Variants in XRCC4 observed in about 807,000 individuals in gnomAD.
The protein encoded by XRCC4 is DNA repair protein XRCC4.
A neutral mutation model predicts 39.1 loss-of-function variants in XRCC4; 28 were observed. The observed-to-expected ratio is 0.72, with a 90% CI of 0.53 to 0.98. XRCC4 has a LOEUF of 0.98. Ranked by LOEUF, XRCC4 falls within the 50% of genes least tolerant of loss-of-function variation. XRCC4 has a pLI of 0.00. For missense variants in XRCC4, 350 were observed against 376.4 expected (o/e 0.93, Z 0.58); for synonymous variants, 123 against 126.4 (o/e 0.97, Z 0.18).
At chr5:83,131,989 A>G (rs1403685488) in intron 3 of XRCC4, among the ~76,000 whole-genome samples, 1 of 152,052 alleles carries the variant, frequency 6.6e-6, no homozygotes, top group Admixed American at 6.6e-5. Context: ...TGGTCTTTAC[A>G]ATTTGGCATG....
At chr5:83,202,613 GTA>G (rs1360092208) in intron 4 of XRCC4, among the ~76,000 whole-genome samples, 1 of 151,904 alleles carries the variant, frequency 6.6e-6, no homozygotes, top group African/African-American at 2.4e-5. Context: ...ATTACTACTG[GTA>G]TATATGTGTG....
At chr5:83,141,608 TTTG>T (rs1748177917) in intron 3 of XRCC4, among the ~76,000 whole-genome samples, 1 of 151,030 alleles carries the variant, frequency 6.6e-6, no homozygotes, top group Non-Finnish European at 1.5e-5. Context: ...TGTGTCTTTT[TTTG>T]TGTATTGTTT....
chr5:83,316,696 C>A (rs1380624627), intron 7 of XRCC4, among the ~76,000 whole-genome samples: 1 of 121,232 alleles, frequency 8.2e-6, no homozygotes, highest in African/African-American at 3.2e-5. Flanking sequence ...CACCCAGATT[C>A]ATAAAGCAAG....
At chr5:83,187,433 TTTAC>T (rs1750503208) in intron 3 of XRCC4, among the ~76,000 whole-genome samples, 1 of 152,210 alleles carries the variant, frequency 6.6e-6, no homozygotes, top group Non-Finnish European at 1.5e-5. Flanking sequence ...AAAGTCCCAC[TTTAC>T]TGTGGAAGGT....
rs531204696 is a variant in XRCC4, at chr5:83,345,376, C to T, written c.894-7755C>T. Among the ~76,000 whole-genome samples the T allele has an allele frequency of 4.9e-4, 75 of 152,126 alleles. 1 individual carries two copies. The highest frequency in any genetic ancestry group is 9.4e-4 in the Non-Finnish European group (64 of 67,994). ...CTTAAGTGTTTAATTCACCTGGAAT[C>T]ATGCTTGTTTGACTTCTGACACACA... On this transcript the variant is annotated intron_variant, in intron 7 of 7. Coordinates refer to ENST00000396027, the MANE Select transcript of XRCC4 (RefSeq NM_003401.5).
At chr5:83,294,854 T>C (rs1292383437) in intron 7 of XRCC4, among the ~76,000 whole-genome samples, 1 of 152,026 alleles carries the variant, frequency 6.6e-6, no homozygotes, top group Non-Finnish European at 1.5e-5. Context: ...GTGCTCACTT[T>C]TTAAAGTGTG....
At chr5:83,100,612 CA>C (rs1437506977) in intron 1 of XRCC4, among the ~76,000 whole-genome samples, 1 of 151,832 alleles carries the variant, frequency 6.6e-6, no homozygotes, top group Non-Finnish European at 1.5e-5. Flanking sequence ...AAGTTTAAGA[CA>C]AAATAATCTG....
chr5:83,184,337 A>C (rs1432908488), intron 3 of XRCC4, among the ~76,000 whole-genome samples: 1 of 151,808 alleles, frequency 6.6e-6, no homozygotes, highest in Non-Finnish European at 1.5e-5. Context: ...TTTTTTTTCA[A>C]ATTTTTATTG....
intron 7 of XRCC4, among the ~76,000 whole-genome samples, chr5:83,260,001 G>T (rs535260694): frequency 3.3e-5 from 5 of 151,984 alleles, no homozygotes; most frequent in Non-Finnish European, 7.4e-5. Context: ...CTATCATTGT[G>T]TTTTTGTTCT....
intron 6 of XRCC4, among the ~76,000 whole-genome samples, chr5:83,247,135 A>G (rs1017572846): frequency 3.3e-5 from 5 of 152,216 alleles, no homozygotes; most frequent in Admixed American, 2.0e-4. Flanking sequence ...TTTTAATCAA[A>G]CCTGATAGAA....
chr5:83,211,559 A>T (rs1751646109), intron 6 of XRCC4, among the ~76,000 whole-genome samples: 1 of 152,190 alleles, frequency 6.6e-6, no homozygotes, highest in African/African-American at 2.4e-5. Context: ...GATAATACAT[A>T]TCTTCATAGG....
chr5:83,254,012 T>C (rs959694069), intron 6 of XRCC4, among the ~76,000 whole-genome samples: 2 of 152,002 alleles, frequency 1.3e-5, no homozygotes, highest in African/African-American at 4.8e-5. Context: ...TAACAAGAAC[T>C]TGAAATTCAT....
intron 7 of XRCC4, among the ~76,000 whole-genome samples, chr5:83,323,639 C>T (rs1210010147): frequency 2.6e-5 from 4 of 151,226 alleles, no homozygotes; most frequent in African/African-American, 9.7e-5. Context: ...TGGCCAAGTG[C>T]AAAATAAATA....
intron 3 of XRCC4, among the ~76,000 whole-genome samples, chr5:83,174,188 G>A (rs1365004981): frequency 6.6e-6 from 1 of 152,138 alleles, no homozygotes; most frequent in African/African-American, 2.4e-5. Context: ...TGCATATTCT[G>A]TAGTTTTGTG....
intron 7 of XRCC4, among the ~76,000 whole-genome samples, chr5:83,278,313 A>G (rs962986315): frequency 6.6e-6 from 1 of 152,256 alleles, no homozygotes; most frequent in African/African-American, 2.4e-5. Context: ...AATTTTGGTC[A>G]TAGAATTTTT....
chr5:83,222,962 G>C (rs1752145191), intron 6 of XRCC4, among the ~76,000 whole-genome samples: 1 of 152,074 alleles, frequency 6.6e-6, no homozygotes, highest in African/African-American at 2.4e-5. Flanking sequence ...TGCTTAGGCT[G>C]GTCTTGAGTT....
At chr5:83,315,521 C>T (rs1755849271) in intron 7 of XRCC4, among the ~76,000 whole-genome samples, 1 of 152,146 alleles carries the variant, frequency 6.6e-6, no homozygotes. Context: ...CAATTCTTGG[C>T]TTCAAAGAAC....
chr5:83,134,386 C>T (rs1747775043), intron 3 of XRCC4, among the ~76,000 whole-genome samples: 1 of 152,130 alleles, frequency 6.6e-6, no homozygotes, highest in African/African-American at 2.4e-5. Context: ...ATTCAGCACT[C>T]TGTGTCTAGC....
At chr5:83,129,087 T>C (rs970534808) in intron 3 of XRCC4, among the ~76,000 whole-genome samples, 11 of 152,020 alleles carry the variant, frequency 7.2e-5, no homozygotes, top group Non-Finnish European at 1.5e-4. Flanking sequence ...TAGGTTTTCT[T>C]CTAGGGTTTT....
Sources: allele counts gnomAD v4.1 joint callset (sites outside exome capture counted in the v4.1 genomes callset), GRCh38; gene constraint gnomAD v4.1.1; transcripts MANE v1.5; gene names NCBI Gene and HGNC (gene_info 2026-07-23, HGNC 2026-07-21).